The following TNKS variants were observed in gnomAD, a reference collection of about 807,000 sequenced individuals.
TNKS encodes tankyrase.
A neutral mutation model predicts 135.8 loss-of-function variants in TNKS; 72 were observed. The ratio of observed to expected loss-of-function variants is 0.53; its 90% CI spans 0.44 to 0.64. TNKS has a LOEUF of 0.64. Among genes scored for constraint, TNKS ranks in the 30% least tolerant of loss-of-function variants. The pLI, the probability that TNKS is intolerant of heterozygous loss-of-function variation, is 0.00. For missense variants in TNKS, 1,769 were observed against 1,674.0 expected (o/e 1.06, Z -0.99); for synonymous variants, 849 against 649.3 (o/e 1.31, Z -4.68).
At chr8:9,664,017 T>G (rs999619327) in intron 3 of TNKS, among the ~76,000 whole-genome samples, 3 of 152,216 alleles carry the variant, frequency 2.0e-5, no homozygotes, top group African/African-American at 7.2e-5. Flanking sequence ...TTGTTTCCTC[T>G]GGTACCAGCC....
At chr8:9,661,965 G>A (rs1301286436) in intron 3 of TNKS, among the ~76,000 whole-genome samples, 1 of 152,200 alleles carries the variant, frequency 6.6e-6, no homozygotes. Context: ...CATTTATGCA[G>A]CCAAAAAACA....
intron 5 of TNKS, among the ~76,000 whole-genome samples, chr8:9,690,120 A>G (rs1803195071): frequency 6.6e-6 from 1 of 152,178 alleles, no homozygotes; most frequent in Admixed American, 6.5e-5. Context: ...TCATTCGATG[A>G]TGAAAACCTA....
At chr8:9,584,763 A>G (rs1362721657) in intron 2 of TNKS, among the ~76,000 whole-genome samples, 2 of 152,182 alleles carry the variant, frequency 1.3e-5, no homozygotes, top group Non-Finnish European at 2.9e-5. Context: ...ATCTCTCCTT[A>G]TTCTCTACAA....
intron 17 of TNKS, among the ~76,000 whole-genome samples, chr8:9,744,699 T>G (rs769711318): frequency 6.6e-6 from 1 of 152,210 alleles, no homozygotes; most frequent in Non-Finnish European, 1.5e-5. Context: ...TTTATTGGAT[T>G]TGTCAGCCTT....
intron 3 of TNKS, among the ~76,000 whole-genome samples, chr8:9,655,257 G>A (rs1205663422): frequency 6.6e-6 from 1 of 152,188 alleles, no homozygotes; most frequent in African/African-American, 2.4e-5. Context: ...ACTCGAACTG[G>A]GTGGAGCCCA....
At chr8:9,734,007 G>A (rs963623055) in intron 15 of TNKS, among the ~76,000 whole-genome samples, 2 of 151,892 alleles carry the variant, frequency 1.3e-5, no homozygotes, top group Admixed American at 6.6e-5. Flanking sequence ...TTTAAAAAAC[G>A]ACCAGATGTG....
At chr8:9,652,411 T>G (rs905463193) in intron 3 of TNKS, among the ~76,000 whole-genome samples, 8 of 152,250 alleles carry the variant, frequency 5.3e-5, no homozygotes, top group Non-Finnish European at 1.0e-4. Flanking sequence ...CTGTCTTTTT[T>G]TAGCCACTGT....
chr8:9,653,492 G>T (rs192826161), intron 3 of TNKS, among the ~76,000 whole-genome samples: 1 of 151,884 alleles, frequency 6.6e-6, no homozygotes, highest in Non-Finnish European at 1.5e-5. Flanking sequence ...TGAGGGCCTC[G>T]TACTGGGTCT....
At chr8:9,743,295 G>T (rs1563204130) in intron 17 of TNKS, among the ~76,000 whole-genome samples, 1 of 152,108 alleles carries the variant, frequency 6.6e-6, no homozygotes, top group African/African-American at 2.4e-5. Flanking sequence ...AGCTTGGAAG[G>T]AAAATGGCTC....
At chr8:9,667,328 G>A (rs1480591122) in intron 3 of TNKS, among the ~76,000 whole-genome samples, 1 of 152,204 alleles carries the variant, frequency 6.6e-6, no homozygotes, top group African/African-American at 2.4e-5. Context: ...CAGGATATAT[G>A]AACAAAGCGT....
chr8:9,624,280 T>C (rs943493903), intron 3 of TNKS, among the ~76,000 whole-genome samples: 1 of 152,238 alleles, frequency 6.6e-6, no homozygotes, highest in East Asian at 1.9e-4. Flanking sequence ...TACAACCAAA[T>C]TGGTATTTTA....
chr8:9,637,103 A>C (rs186674450), intron 3 of TNKS, among the ~76,000 whole-genome samples: 1 of 152,216 alleles, frequency 6.6e-6, no homozygotes, highest in African/African-American at 2.4e-5. Context: ...TGGAAACTGC[A>C]TAATTATCTC....
At chr8:9,610,112 C>T (rs1799396452) in intron 2 of TNKS, among the ~76,000 whole-genome samples, 1 of 152,124 alleles carries the variant, frequency 6.6e-6, no homozygotes, top group Non-Finnish European at 1.5e-5. Flanking sequence ...TCACCTCAGC[C>T]TTCCAAAGTG....
chr8:9,719,001 T>G (rs933830054), intron 11 of TNKS, among the ~76,000 whole-genome samples: 3 of 152,236 alleles, frequency 2.0e-5, no homozygotes, highest in South Asian at 2.1e-4. Flanking sequence ...TGTTCACAAT[T>G]TTAGATTTTT....
chr8:9,570,402 GC>G (rs74763995), intron 1 of TNKS, among the ~76,000 whole-genome samples: 24,868 of 152,158 alleles, frequency 0.16, 2,337 homozygotes, highest in Admixed American at 0.25. Flanking sequence ...TGTCCTGGGG[GC>G]TAAAATACAG....
intron 1 of TNKS, among the ~76,000 whole-genome samples, chr8:9,577,979 C>T (rs757853576): frequency 6.6e-6 from 1 of 152,178 alleles, no homozygotes; most frequent in African/African-American, 2.4e-5. Flanking sequence ...AAACAAAGGG[C>T]CTGCAGGCTC....
intron 2 of TNKS, among the ~76,000 whole-genome samples, chr8:9,581,964 A>T (rs776032518): frequency 5.3e-5 from 8 of 152,322 alleles, no homozygotes; most frequent in Non-Finnish European, 1.0e-4. Flanking sequence ...AGTTCACAGT[A>T]GGCTTTGGCA....
intron 4 of TNKS, 117 bp downstream of exon 4, chr8:9,680,104 AT>A: frequency 1.4e-6 from 1 of 708,664 alleles, no homozygotes; most frequent in Non-Finnish European, 2.5e-6. Context: ...TTATGCAATT[AT>A]GCAGATACTA....
At chr8:9,706,119 T>C in intron 6 of TNKS, 68 bp from the exon 7 acceptor site, 1 of 1,077,106 alleles carries the variant, frequency 9.3e-7, no homozygotes, top group Non-Finnish European at 1.3e-6. Context: ...GGATTTTATT[T>C]CTTAGTACGA....
Sources: allele counts gnomAD v4.1 joint callset (sites outside exome capture counted in the v4.1 genomes callset), GRCh38; gene constraint gnomAD v4.1.1; transcripts MANE v1.5; gene names NCBI Gene and HGNC (gene_info 2026-07-23, HGNC 2026-07-21).